The following AP1G1 variants were observed in gnomAD, a reference collection of about 807,000 sequenced individuals.
AP1G1 encodes the protein AP-1 complex subunit gamma-1.
In AP1G1, 7 loss-of-function variants were observed where a neutral mutation model predicts 108.3. The ratio of observed to expected loss-of-function variants is 0.06; its 90% CI spans 0.04 to 0.12. AP1G1 has a LOEUF of 0.12. AP1G1 is among the 10% of genes least tolerant of loss of function. AP1G1 has a pLI of 1.00. For missense variants in AP1G1, 756 were observed against 1,010.7 expected (o/e 0.75, Z 3.42); for synonymous variants, 379 against 353.5 (o/e 1.07, Z -0.81).
chr16:71,765,963 C>T (rs1031821091), intron 6 of AP1G1, among the ~76,000 whole-genome samples: 1 of 152,104 alleles, frequency 6.6e-6, no homozygotes, highest in African/African-American at 2.4e-5. Context: ...AGTTTTCACC[C>T]ATTCAAACAT....
At chr16:71,797,220 C>T (rs1597089101) in intron 1 of AP1G1, among the ~76,000 whole-genome samples, 2 of 151,722 alleles carry the variant, frequency 1.3e-5, no homozygotes, top group African/African-American at 4.8e-5. Flanking sequence ...ATTCTCAAAA[C>T]GAAAATTTGG....
chr16:71,739,001 C>T lies in AP1G1; in HGVS notation c.2209G>A (p.Ala737Thr), dbSNP rs1310453651. The change falls in exon 21 of 23, where the codon GCC becomes ACC. Residue 737 changes from alanine (A) to threonine (T), a missense_variant. Ala to Thr is a moderately conservative substitution (Grantham distance 58, BLOSUM62 0). Around this residue, in one of 3 missense-constraint regions of AP1G1, gnomAD observed 95 missense variants for 160.5 expected, o/e 0.59. Coordinates refer to ENST00000299980, the MANE Select transcript of AP1G1 (RefSeq NM_001128.6). ...NPSVTVITIQASNSTELDMTD... is the reference protein window; with the variant it reads ...NPSVTVITIQTSNSTELDMTD... ...ATATCTAGCTCTGTGCTGTTGGAGG[C>T]CTGTATCGTTATCACTGTTACACTG... 2.5e-6 allele frequency: 4 copies of T among 1,613,968 alleles called. No individual in the cohort carries two copies. The highest frequency in any genetic ancestry group is 3.4e-6 in the Non-Finnish European group (4 of 1,180,014).
At chr16:71,794,801 A>T (rs1173980523) in intron 1 of AP1G1, among the ~76,000 whole-genome samples, 1 of 141,550 alleles carries the variant, frequency 7.1e-6, no homozygotes, top group Non-Finnish European at 1.5e-5. Context: ...GATTTTTCTC[A>T]TACAGCAATA....
At chr16:71,742,030 T>C (rs1285111894) in intron 19 of AP1G1, among the ~76,000 whole-genome samples, 1 of 152,168 alleles carries the variant, frequency 6.6e-6, no homozygotes, top group African/African-American at 2.4e-5. Flanking sequence ...AATGATAAAT[T>C]AAGAAATCTA....
intron 3 of AP1G1, among the ~76,000 whole-genome samples, chr16:71,773,912 G>A (rs1357846009): frequency 2.8e-5 from 4 of 143,442 alleles, no homozygotes; most frequent in African/African-American, 7.5e-5. Flanking sequence ...ACAGGCGCAC[G>A]CCACCACGTC....
At chr16:71,796,879 T>C (rs1297156680) in intron 1 of AP1G1, among the ~76,000 whole-genome samples, 2 of 151,910 alleles carry the variant, frequency 1.3e-5, no homozygotes, top group African/African-American at 4.8e-5. Flanking sequence ...CTGAGATGCA[T>C]AAAAAGCAGA....
At chr16:71,791,238 CAAAA>C (rs201803032) in intron 1 of AP1G1, among the ~76,000 whole-genome samples, 1 of 143,638 alleles carries the variant, frequency 7.0e-6, no homozygotes, top group African/African-American at 2.6e-5. Context: ...AAAAAAAAAA[CAAAA>C]AAAACAAAAA....
chr16:71,745,517 G>A lies in AP1G1; in HGVS notation c.1828C>T (p.Leu610=). 2.5e-6 allele frequency: 4 copies of A among 1,614,162 alleles called. No individual in the cohort carries two copies. Among genetic ancestry groups the A allele is most frequent in the South Asian group, 1.1e-5 (1 of 91,086 alleles). ...CCAGAGGGTGGCGGTTTGGTCTCTA[G>A]TGGAGCTGGTTCTGTCTCTCCATTT... The part of the protein sequence containing the change: ...QTNGETEPAP[L]ETKPPPSGPQ... Residue 610 remains leucine, a synonymous_variant, in exon 18 of 23, where the codon CTA becomes TTA. Transcript: ENST00000299980.
intron 19 of AP1G1, chr16:71,743,213 T>G (rs1281853406): frequency 6.6e-6 from 1 of 152,074 alleles, no homozygotes. Flanking sequence ...CATTTGTAAA[T>G]GATTCATAAG....
intron 1 of AP1G1, chr16:71,808,471 C>A: frequency 8.2e-7 from 1 of 1,225,776 alleles, no homozygotes; most frequent in South Asian, 1.4e-5. Context: ...AAGATCGCAG[C>A]CTGAGAAAGT....
intron 2 of AP1G1, among the ~76,000 whole-genome samples, chr16:71,781,478 C>A (rs1474949352): frequency 6.6e-6 from 1 of 152,200 alleles, no homozygotes; most frequent in Non-Finnish European, 1.5e-5. Flanking sequence ...TACTGGGCCT[C>A]AATCTCATTT....
At chr16:71,738,218 T>A (rs550552107) in intron 21 of AP1G1, among the ~76,000 whole-genome samples, 1 of 115,622 alleles carries the variant, frequency 8.6e-6, no homozygotes, top group Admixed American at 9.1e-5. Context: ...GCCCGGCTAA[T>A]TTTTTTTTTT....
intron 11 of AP1G1, among the ~76,000 whole-genome samples, chr16:71,757,865 G>A (rs770732448): frequency 2.0e-5 from 3 of 152,178 alleles, no homozygotes; most frequent in Middle Eastern, 3.2e-3. Context: ...CCCTTACAAG[G>A]ATTAAGGTTT....
At chr16:71,802,209 C>A (rs1469676174) in intron 1 of AP1G1, among the ~76,000 whole-genome samples, 2 of 152,106 alleles carry the variant, frequency 1.3e-5, no homozygotes, top group African/African-American at 4.8e-5. Context: ...TTAACTAAAC[C>A]TCAAAACTAA....
At position 71,777,715 on chromosome 16, in the gene AP1G1, G is replaced by A. The variant is rs148262977; in HGVS notation, c.202-3123C>T. 268 of 447,022 alleles carry A rather than the reference G, an allele frequency of 6.0e-4. 1 individual carries two copies. Among genetic ancestry groups the A allele is most frequent in the Admixed American group, 2.1e-3 (84 of 39,790 alleles). 27.7% of individuals were successfully genotyped at this position (447,022 alleles called of 1,614,324 possible). Reference sequence around the variant, plus strand: ...CATCTCCTTCTTCCTCTTCGGGCCCGTTCTCCTCCTCCTCCACCACTTCTT... The same window carrying A: ...CATCTCCTTCTTCCTCTTCGGGCCCATTCTCCTCCTCCTCCACCACTTCTT... On this transcript the variant is annotated intron_variant, in intron 2 of 22. Coordinates refer to ENST00000299980, the MANE Select transcript of AP1G1 (RefSeq NM_001128.6).
intron 15 of AP1G1, among the ~76,000 whole-genome samples, chr16:71,748,901 T>G (rs1161514627): frequency 5.1e-5 from 7 of 136,988 alleles, no homozygotes; most frequent in Admixed American, 1.5e-4. Context: ...ACCTGTTTTG[T>G]TTTTTTTTTG....
intron 13 of AP1G1, among the ~76,000 whole-genome samples, chr16:71,752,091 A>G (rs540849491): frequency 1.1e-4 from 16 of 152,324 alleles, no homozygotes; most frequent in African/African-American, 3.8e-4. Flanking sequence ...AGGCATTCAA[A>G]TATCAATGTA....
At chr16:71,745,046 T>C in intron 19 of AP1G1, 98 bp downstream of exon 19, 2 of 1,394,388 alleles carry the variant, frequency 1.4e-6, no homozygotes, top group Non-Finnish European at 9.8e-7. Flanking sequence ...CTCTCCCATC[T>C]TCAAATGATT....
chr16:71,771,216 G>A lies in AP1G1; in HGVS notation c.505C>T (p.Pro169Ser). 1 of 1,607,510 alleles carries A rather than the reference G, an allele frequency of 6.2e-7. No homozygotes were observed. The highest frequency in any genetic ancestry group is 8.5e-7 in the Non-Finnish European group (1 of 1,177,900). ...LCAVHVIRKV[P>S]ELMEMFLPAT... Reference sequence around the variant, plus strand: ...GGTAAAAACATCTCCATAAGTTCAGGAACTTTCCTGATGACATGAACAGCA... The same window carrying A: ...GGTAAAAACATCTCCATAAGTTCAGAAACTTTCCTGATGACATGAACAGCA... Residue 169 changes from proline to serine, a missense_variant, in exon 5 of 23, where the codon CCT (proline) becomes TCT (serine). Physicochemically the swap from Pro to Ser is moderately conservative, Grantham distance 74. Transcript: ENST00000299980.
Sources: allele counts gnomAD v4.1 joint callset (sites outside exome capture counted in the v4.1 genomes callset), GRCh38; gene constraint gnomAD v4.1.1; regional missense constraint gnomAD v4.1.1; transcripts MANE v1.5; gene names NCBI Gene and HGNC (gene_info 2026-07-23, HGNC 2026-07-21).